The following CSMD1 variants were observed in gnomAD, a reference collection of about 807,000 sequenced individuals.
The protein encoded by CSMD1 is CUB and sushi domain-containing protein 1.
A neutral mutation model predicts 417.5 loss-of-function variants in CSMD1; 213 were observed. The ratio of observed to expected loss-of-function variants is 0.51; its 90% CI spans 0.46 to 0.57. The LOEUF (loss-of-function observed/expected upper bound fraction) is 0.57. Among genes scored for constraint, CSMD1 ranks in the 20% least tolerant of loss-of-function variants. The pLI, the probability that CSMD1 is intolerant of heterozygous loss-of-function variation, is 0.00. For synonymous variants in CSMD1, 2,862 were observed against 1,736.8 expected (o/e 1.65, Z -16.11); for missense variants, 6,923 against 4,529.7 (o/e 1.53, Z -15.17).
chr8:3,268,388 A>G (rs529015742), intron 26 of CSMD1, among the ~76,000 whole-genome samples: 6 of 138,552 alleles, frequency 4.3e-5, no homozygotes, highest in Admixed American at 2.5e-4. Flanking sequence ...TCCGAGGTTC[A>G]CACCATTCTC....
chr8:3,521,177 ACT>A (rs1255412688), intron 10 of CSMD1, among the ~76,000 whole-genome samples: 2 of 151,996 alleles, frequency 1.3e-5, no homozygotes, highest in African/African-American at 4.8e-5. Context: ...AAACAGGTTA[ACT>A]CTATTTTTTT....
intron 2 of CSMD1, among the ~76,000 whole-genome samples, chr8:4,492,632 C>T (rs1032651617): frequency 6.6e-5 from 10 of 152,212 alleles, no homozygotes; most frequent in South Asian, 2.1e-4. Context: ...AGCACTAGTG[C>T]CGCCTTTGGA....
chr8:4,203,735 TAC>T (rs542610178), intron 3 of CSMD1, among the ~76,000 whole-genome samples: 3 of 152,224 alleles, frequency 2.0e-5, no homozygotes, highest in Admixed American at 1.3e-4. Flanking sequence ...CACACATATG[TAC>T]ACGCACATAT....
intron 25 of CSMD1, among the ~76,000 whole-genome samples, chr8:3,305,959 C>G (rs908877721): frequency 1.3e-5 from 2 of 152,142 alleles, no homozygotes; most frequent in Admixed American, 1.3e-4. Context: ...GGATTACAGG[C>G]ATGAGCCACT....
In CSMD1 at chr8:4,027,732, G is replaced by C. The variant is rs1371819124; in HGVS notation, c.610+4173C>G. Among the ~76,000 whole-genome samples the C allele has an allele frequency of 2.0e-5, 3 of 152,116 alleles. No homozygotes were observed. In the East Asian group the frequency reaches 5.8e-4, roughly 29 times the overall value. The stretch of plus-strand genomic sequence containing the variant: ...ACATGGGGGCCCATTGAACAAACTT[G>C]AAGCCAGTCTGTTTGAGAAGGGAAA... On this transcript the variant is annotated intron_variant, in intron 4 of 69. Transcript: ENST00000635120.
intron 10 of CSMD1, among the ~76,000 whole-genome samples, chr8:3,555,028 T>G (rs1264334538): frequency 3.9e-5 from 6 of 152,136 alleles, no homozygotes; most frequent in Middle Eastern, 3.4e-3. Context: ...AAGAAGACTG[T>G]GCGTGAGGAG....
chr8:3,618,627 G>T (rs1446992774), intron 7 of CSMD1, among the ~76,000 whole-genome samples: 1 of 151,912 alleles, frequency 6.6e-6, no homozygotes, highest in Non-Finnish European at 1.5e-5. Context: ...GAGACAGAAA[G>T]CTCCAGACCT....
At chr8:4,354,947 G>A (rs118021211) in intron 3 of CSMD1, among the ~76,000 whole-genome samples, 1 of 147,066 alleles carries the variant, frequency 6.8e-6, no homozygotes, top group Non-Finnish European at 1.5e-5. Flanking sequence ...AGAAACCACC[G>A]AATTCCACCC....
At chr8:3,670,052 A>G (rs560430629) in intron 7 of CSMD1, among the ~76,000 whole-genome samples, 26 of 152,270 alleles carry the variant, frequency 1.7e-4, no homozygotes, top group East Asian at 3.9e-4. Flanking sequence ...GGGTCTCACA[A>G]TTTGTGATGG....
intron 27 of CSMD1, among the ~76,000 whole-genome samples, chr8:3,229,337 T>C (rs1430574772): frequency 6.6e-6 from 1 of 152,216 alleles, no homozygotes; most frequent in Admixed American, 6.5e-5. Context: ...ACTTAGATGA[T>C]ATACTCTAAG....
At chr8:4,962,527 C>T (rs1428569963) in intron 1 of CSMD1, among the ~76,000 whole-genome samples, 2 of 152,116 alleles carry the variant, frequency 1.3e-5, no homozygotes, top group East Asian at 1.9e-4. Context: ...CTGTTTTTAT[C>T]TTATGAAGCA....
intron 7 of CSMD1, among the ~76,000 whole-genome samples, chr8:3,672,141 A>C (rs916822281): frequency 5.9e-5 from 9 of 152,106 alleles, no homozygotes; most frequent in East Asian, 5.8e-4. Context: ...CCTCTTGCAA[A>C]CTTGTTTTCT....
intron 1 of CSMD1, among the ~76,000 whole-genome samples, chr8:4,746,787 T>C (rs1810983568): frequency 6.6e-6 from 1 of 152,182 alleles, no homozygotes. Context: ...GAAGGCATCA[T>C]ACCATCAAAA....
chr8:4,724,200 A>G (rs2607555), intron 1 of CSMD1, among the ~76,000 whole-genome samples: 42,448 of 151,996 alleles, frequency 0.28, 6,914 homozygotes, highest in African/African-American at 0.45. Context: ...GATAATAATT[A>G]TAGTCTCAAA....
Position 3,218,111 on chromosome 8 carries a change from G to C in CSMD1, c.4672+1144C>G, listed in dbSNP as rs572277834. On this transcript the variant is annotated intron_variant, in intron 29 of 69. Coordinates refer to ENST00000635120, the MANE Select transcript of CSMD1 (RefSeq NM_033225.6). ...GTCAGTCTGTTTTCCTTGGATGTTA[G>C]TGGCAGGGAATGGTTTATAGCAAAT... Among the ~76,000 whole-genome samples, 141 of 152,276 alleles carry C rather than the reference G, an allele frequency of 9.3e-4. 1 individual carries two copies. Among genetic ancestry groups the C allele is most frequent in the African/African-American group, 3.2e-3 (135 of 41,562 alleles).
chr8:4,211,511 T>C (rs571579983), intron 3 of CSMD1, among the ~76,000 whole-genome samples: 1 of 152,224 alleles, frequency 6.6e-6, no homozygotes, highest in Non-Finnish European at 1.5e-5. Context: ...AATGTATTTA[T>C]TTTCAGTTTT....
intron 1 of CSMD1, among the ~76,000 whole-genome samples, chr8:4,900,205 C>A (rs996490894): frequency 6.6e-6 from 1 of 152,110 alleles, no homozygotes; most frequent in South Asian, 2.1e-4. Context: ...TATGAAGACA[C>A]GGGTTGGGTG....
intron 54 of CSMD1, among the ~76,000 whole-genome samples, chr8:2,987,720 T>C (rs1342732518): frequency 2.0e-5 from 3 of 152,210 alleles, no homozygotes; most frequent in Non-Finnish European, 4.4e-5. Context: ...TTCATCACCG[T>C]TTCCCTCTGT....
At chr8:3,061,694 G>A (rs912842055) in intron 49 of CSMD1, among the ~76,000 whole-genome samples, 14 of 152,132 alleles carry the variant, frequency 9.2e-5, no homozygotes, top group African/African-American at 2.7e-4. Context: ...AAGTTATAGC[G>A]AAATCTCTAT....
Sources: gnomAD v4.1 joint callset for allele counts (sites outside exome capture counted in the v4.1 genomes callset) on GRCh38, gnomAD v4.1.1 for gene constraint, MANE v1.5 for transcripts, NCBI Gene and HGNC (gene_info 2026-07-23, HGNC 2026-07-21) for gene names.